Variants in RRP1B observed in about 807,000 individuals in gnomAD.
RRP1B encodes ribosomal RNA processing protein 1 homolog B.
Under a neutral mutation model 80.2 loss-of-function variants are expected in RRP1B, and 56 were observed. The observed-to-expected ratio is 0.70, with a 90% CI of 0.56 to 0.87. The LOEUF (loss-of-function observed/expected upper bound fraction) is 0.87. Ranked by LOEUF, RRP1B falls within the 40% of genes least tolerant of loss-of-function variation. The probability of loss-of-function intolerance (pLI) is 0.00; values close to 1 mark genes in which losing one functional copy is unlikely to be tolerated. For missense variants in RRP1B, 807 were observed against 939.8 expected (o/e 0.86, Z 1.85); for synonymous variants, 351 against 357.6 (o/e 0.98, Z 0.21).
chr21:43,693,428 C>G lies in RRP1B; in HGVS notation c.*45C>G. The G allele has an allele frequency of 1.4e-6, 2 of 1,452,810 alleles. No individual in the cohort carries two copies. Among genetic ancestry groups the G allele is most frequent in the Non-Finnish European group, 1.8e-6 (2 of 1,089,984 alleles). 90.0% of individuals were successfully genotyped at this position (1,452,810 alleles called of 1,614,324 possible). A position where few individuals can be genotyped will look rare whatever the true frequency, so the allele number is the denominator to read the frequency against. ...TAAAAGACTGCTTTTGTACAGAATG[C>G]GCTATAAATTATACCTTTAAGAATG... On this transcript the variant is annotated 3_prime_UTR_variant, in exon 16 of 16. Transcript: ENST00000340648. This position sits in a 1 kb window ranked among gnomAD's most constrained non-coding sequence, Gnocchi z 4.1.
At position 43,693,042 on chromosome 21, in the gene RRP1B, T is replaced by C; in HGVS notation, c.2084-148T>C. 1 of 732,372 alleles carries C rather than the reference T, an allele frequency of 1.4e-6. No homozygotes were observed. The highest frequency in any genetic ancestry group is 2.2e-6 in the Non-Finnish European group (1 of 449,940). 45.4% of individuals were successfully genotyped at this position (732,372 alleles called of 1,614,324 possible). On this transcript the variant is annotated intron_variant, in intron 15 of 15. Coordinates refer to ENST00000340648, the MANE Select transcript of RRP1B (RefSeq NM_015056.3). This position sits in a 1 kb window ranked among gnomAD's most constrained non-coding sequence, Gnocchi z 4.1. ...TGCCCTCCTTTCCTCAGAAGGCTCT[T>C]GGGCCTGCTCTCTGCAGGGCCTTGA...
At chr21:43,663,814 G>T (rs978253814) in intron 1 of RRP1B, among the ~76,000 whole-genome samples, 1 of 152,046 alleles carries the variant, frequency 6.6e-6, no homozygotes, top group Non-Finnish European at 1.5e-5. Flanking sequence ...TGCCCACCTC[G>T]GTCTCCCAAA....
intron 8 of RRP1B, among the ~76,000 whole-genome samples, chr21:43,677,181 T>A (rs1483896979): frequency 6.6e-6 from 1 of 152,228 alleles, no homozygotes; most frequent in African/African-American, 2.4e-5. Flanking sequence ...TCGAGGATTT[T>A]ACCATTGTCA....
chr21:43,671,979 A>G (rs567919407), intron 2 of RRP1B, among the ~76,000 whole-genome samples: 1 of 152,304 alleles, frequency 6.6e-6, no homozygotes, highest in Admixed American at 6.5e-5. Context: ...GAGCCACTGC[A>G]CGTGGCCAGA....
At chr21:43,664,811 G>A (rs749936287) in intron 1 of RRP1B, among the ~76,000 whole-genome samples, 8 of 152,134 alleles carry the variant, frequency 5.3e-5, no homozygotes, top group South Asian at 2.1e-4. Flanking sequence ...CATCCATGGC[G>A]GCAGGCAAGC....
At position 43,691,102 on chromosome 21, in the gene RRP1B, C is replaced by T. The variant is rs1419889712; in HGVS notation, c.2020-337C>T. Reference sequence around the variant, plus strand: ...CTGTTTTTAGGACAGTTCAGGCATCCTCTCTGTTTGCCTTTCTTCCCTGGA... The same window carrying T: ...CTGTTTTTAGGACAGTTCAGGCATCTTCTCTGTTTGCCTTTCTTCCCTGGA... On this transcript the variant is annotated intron_variant, in intron 14 of 15. Coordinates refer to ENST00000340648, the MANE Select transcript of RRP1B (RefSeq NM_015056.3). This position sits in a 1 kb window ranked among gnomAD's most constrained non-coding sequence, Gnocchi z 4.2. Among the ~76,000 whole-genome samples the T allele has an allele frequency of 6.6e-6, 1 of 152,174 alleles. No homozygotes were observed. The highest frequency in any genetic ancestry group is 1.5e-5 in the Non-Finnish European group (1 of 68,034).
intron 8 of RRP1B, among the ~76,000 whole-genome samples, chr21:43,681,349 G>A (rs1054028711): frequency 6.6e-5 from 10 of 151,092 alleles, no homozygotes; most frequent in Admixed American, 2.6e-4. Context: ...CCTGGTGGAC[G>A]GGAAGTAATT....
At chr21:43,684,304 C>T (rs1328337587) in intron 9 of RRP1B, among the ~76,000 whole-genome samples, 2 of 151,970 alleles carry the variant, frequency 1.3e-5, no homozygotes, top group East Asian at 3.9e-4. Flanking sequence ...ATGTCCTGAC[C>T]TTGTGATCCA....
intron 2 of RRP1B, among the ~76,000 whole-genome samples, chr21:43,670,443 AGCAG>A (rs1229882744): frequency 6.6e-6 from 1 of 152,262 alleles, no homozygotes; most frequent in African/African-American, 2.4e-5. Context: ...CCAAACGCGC[AGCAG>A]GCTCGGTCTC....
chr21:43,679,712 A>T (rs2083035958), intron 8 of RRP1B, among the ~76,000 whole-genome samples: 1 of 152,078 alleles, frequency 6.6e-6, no homozygotes, highest in Non-Finnish European at 1.5e-5. Flanking sequence ...GAATCTGTAG[A>T]TTGCTTTTGC....
chr21:43,666,126 C>T (rs749437441), intron 1 of RRP1B, among the ~76,000 whole-genome samples: 6 of 152,204 alleles, frequency 3.9e-5, no homozygotes, highest in African/African-American at 1.2e-4. Context: ...GGAGAGGCGG[C>T]GGCTTCTGCC....
At position 43,694,452 on chromosome 21, in the gene RRP1B, T is replaced by C. The variant is rs1358698565; in HGVS notation, c.*1069T>C. 2.0e-5 allele frequency: 3 copies of C among 152,270 alleles called. No homozygotes were observed. The allele number at this position is 152,270 out of a possible 1,614,324, so 9.4% of individuals were successfully genotyped here. A position where few individuals can be genotyped will look rare whatever the true frequency, so the allele number is the denominator to read the frequency against. The stretch of plus-strand genomic sequence containing the variant: ...CTTTTGAGCAGCGATTGCTGGATCA[T>C]TGATCTGTTTGAGGAAGTGTCTGAC... On this transcript the variant is annotated 3_prime_UTR_variant, in exon 16 of 16. Coordinates refer to ENST00000340648, the MANE Select transcript of RRP1B (RefSeq NM_015056.3).
At chr21:43,677,057 C>A in intron 8 of RRP1B, 143 bp downstream of exon 8, 1 of 807,522 alleles carries the variant, frequency 1.2e-6, no homozygotes, top group Non-Finnish European at 1.9e-6. Context: ...AGAAAGGCAG[C>A]AGAGGTGGGT....
At chr21:43,660,563 A>AAAAAG (rs984395739) in intron 1 of RRP1B, among the ~76,000 whole-genome samples, 7 of 152,224 alleles carry the variant, frequency 4.6e-5, no homozygotes, top group South Asian at 2.1e-4. Context: ...ACTCCGTCTC[A>AAAAAG]AAAAGAAAAG....
rs754230344 is a variant in RRP1B, at chr21:43,693,230, G to A, written c.2124G>A (p.Thr708=). 7.4e-6 allele frequency: 12 copies of A among 1,613,880 alleles called. No individual in the cohort carries two copies. The highest frequency in any genetic ancestry group is 6.7e-5 in the East Asian group (3 of 44,874). ...ACAAGAGTATCTTGGTCAGTCCCAC[G>A]GGCCCTTCTCGAGTGGCCTTCGACC... ...KTDKSILVSP[T]GPSRVAFDPE... is the part of the protein sequence containing the mutation. Residue 708 remains threonine, a synonymous_variant, in exon 16 of 16, where the codon ACG becomes ACA. Coordinates refer to ENST00000340648, the MANE Select transcript of RRP1B (RefSeq NM_015056.3). This position sits in a 1 kb window ranked among gnomAD's most constrained non-coding sequence, Gnocchi z 4.1.
chr21:43,666,697 G>A (rs890171047), intron 1 of RRP1B, among the ~76,000 whole-genome samples: 6 of 144,422 alleles, frequency 4.2e-5, no homozygotes, highest in Non-Finnish European at 7.5e-5. Context: ...CAGCCTGGGC[G>A]ACAGAGTGAA....
At chr21:43,667,053 G>A (rs1404948087) in intron 1 of RRP1B, among the ~76,000 whole-genome samples, 1 of 144,310 alleles carries the variant, frequency 6.9e-6, no homozygotes, top group Non-Finnish European at 1.5e-5. Context: ...TTTTTTTTTT[G>A]ACACTTACTT....
intron 13 of RRP1B, 126 bp downstream of exon 13, chr21:43,688,366 G>GA: frequency 8.5e-7 from 1 of 1,170,374 alleles, no homozygotes; most frequent in East Asian, 2.6e-5. Context: ...GCAGCAGTTA[G>GA]AATAGGGTGT....
intron 3 of RRP1B, 108 bp from the exon 4 acceptor site, chr21:43,673,762 A>C: frequency 1.5e-6 from 1 of 647,410 alleles, no homozygotes; most frequent in Non-Finnish European, 2.7e-6. Context: ...AATTACTGAG[A>C]AAAGTGAATA....
Sources: allele counts gnomAD v4.1 joint callset (sites outside exome capture counted in the v4.1 genomes callset), GRCh38; gene constraint gnomAD v4.1.1; non-coding constraint Gnocchi (gnomAD v3.1); transcripts MANE v1.5; gene names NCBI Gene and HGNC (gene_info 2026-07-23, HGNC 2026-07-21).